Variants in MOK observed in about 807,000 individuals in gnomAD.
MOK encodes MOK protein kinase.
A neutral mutation model predicts 54.2 loss-of-function variants in MOK; 59 were observed. That is an observed-to-expected ratio of 1.09 (90% CI 0.88 to 1.35). The LOEUF (loss-of-function observed/expected upper bound fraction) is 1.35. Ranked by LOEUF, MOK falls within the 40% of genes most tolerant of loss-of-function variation. The pLI, the probability that MOK is intolerant of heterozygous loss-of-function variation, is 0.00. For synonymous variants in MOK, 210 were observed against 202.7 expected (o/e 1.04, Z -0.31); for missense variants, 517 against 526.2 (o/e 0.98, Z 0.17).
At chr14:102,214,728 C>T in the MOK span, 1 of 980,054 alleles carries the variant, frequency 1.0e-6, no homozygotes, top group Non-Finnish European at 1.2e-6. Flanking sequence ...CATCCAATTT[C>T]TTGACAACTT....
At chr14:102,289,754 G>A (rs1166403088) in intron 1 of MOK, among the ~76,000 whole-genome samples, 2 of 144,912 alleles carry the variant, frequency 1.4e-5, no homozygotes, top group Non-Finnish European at 3.1e-5. Flanking sequence ...CTTCCCACCC[G>A]CCTCACCCTC....
intron 3 of MOK, among the ~76,000 whole-genome samples, chr14:102,265,045 T>C (rs951468035): frequency 1.3e-5 from 2 of 152,244 alleles, no homozygotes; most frequent in Non-Finnish European, 2.9e-5. Context: ...TTTTGAATGA[T>C]AGATAAGCCT....
Position 102,232,983 on chromosome 14 carries a change from C to CA in MOK, c.693-276dup, listed in dbSNP as rs2064874183. 3.6e-6 allele frequency: 1 copy of CA among 280,976 alleles called. No individual in the cohort carries two copies. The highest frequency in any genetic ancestry group is 2.2e-5 in the African/African-American group (1 of 45,752). 17.4% of individuals were successfully genotyped at this position (280,976 alleles called of 1,614,324 possible). ...AGGGGAGGCTGTGTGCACATGGGGACAGGGCTCTATGGAAACCTAAAACTG... is the reference window on the plus strand; with the variant it reads ...AGGGGAGGCTGTGTGCACATGGGGACAAGGGCTCTATGGAAACCTAAAACTG... On this transcript the variant is annotated intron_variant, in intron 8 of 11. Transcript: ENST00000361847. The surrounding 1 kb of genome is among the most constrained non-coding windows in gnomAD (Gnocchi z 5.1).
chr14:102,223,037 G>A (rs2064098414), downstream of MOK: 9 of 799,408 alleles, frequency 1.1e-5, no homozygotes, highest in Admixed American at 1.5e-4. Context: ...TCACTCTGCG[G>A]CGCCGTGCTC....
chr14:102,297,583 G>A (rs546746953), intron 1 of MOK, among the ~76,000 whole-genome samples: 62 of 152,338 alleles, frequency 4.1e-4, no homozygotes, highest in East Asian at 9.7e-4. Flanking sequence ...CCTTCAGCTC[G>A]CCGCTGCACT....
intron 2 of MOK, among the ~76,000 whole-genome samples, chr14:102,269,860 G>C (rs1252971729): frequency 6.6e-6 from 1 of 152,106 alleles, no homozygotes; most frequent in Non-Finnish European, 1.5e-5. Flanking sequence ...TCCCATAATT[G>C]ATTGAACAAT....
rs1477902004 is a variant in MOK at position 102,283,473 on chromosome 14, C to A, written c.122+5G>T. 5.0e-6 allele frequency: 8 copies of A among 1,601,402 alleles called. 1 individual carries two copies. The Middle Eastern group carries it at 1.3e-3, about 266-fold the overall frequency. On this transcript the variant is annotated splice_donor_5th_base_variant and intron_variant, in intron 2 of 11. Coordinates refer to ENST00000361847, the MANE Select transcript of MOK (RefSeq NM_014226.3). ...TTTGGTCCCAAGTGCATCTCTGTAG[C>A]CTACCTTTCAAAGCGCTGCTTCATT...
At chr14:102,234,469 C>T (rs957587307) in intron 7 of MOK, among the ~76,000 whole-genome samples, 1 of 152,164 alleles carries the variant, frequency 6.6e-6, no homozygotes, top group African/African-American at 2.4e-5. Flanking sequence ...GGGCCAAGGG[C>T]TTCCTCCAGC....
chr14:102,271,399 C>T (rs542976873), intron 2 of MOK, among the ~76,000 whole-genome samples: 2 of 152,092 alleles, frequency 1.3e-5, no homozygotes, highest in South Asian at 4.2e-4. Context: ...GAGGGACCTT[C>T]CCCACAAGGA....
intron 4 of MOK, among the ~76,000 whole-genome samples, chr14:102,257,224 A>G (rs1451212823): frequency 1.3e-5 from 2 of 151,954 alleles, no homozygotes; most frequent in African/African-American, 4.8e-5. Flanking sequence ...TGGCCCAGGT[A>G]TGGGGGCAGA....
chr14:102,283,197 C>A (rs932094423), intron 2 of MOK: 1 of 257,898 alleles, frequency 3.9e-6, no homozygotes. Context: ...AAATCCAACA[C>A]ATTTATAACT....
intron 2 of MOK, among the ~76,000 whole-genome samples, chr14:102,277,041 A>T (rs1260371671): frequency 6.8e-6 from 1 of 146,738 alleles, no homozygotes; most frequent in Non-Finnish European, 1.5e-5. Context: ...TTGTAGAGGA[A>T]AAAAAAAGAT....
rs190577626 is a variant in MOK, at chr14:102,282,808, T to C, written c.122+670A>G. ...GGCTCACACCTGTAATCCCAGCACT[T>C]TGGAAGGCCAAGGCGGGCGGATCAC... On this transcript the variant is annotated intron_variant, in intron 2 of 11. Coordinates refer to ENST00000361847, the MANE Select transcript of MOK (RefSeq NM_014226.3). Among the ~76,000 whole-genome samples the C allele has an allele frequency of 6.2e-3, 943 of 151,964 alleles. 10 individuals carry two copies. The highest frequency in any genetic ancestry group is 8.0e-3 in the Non-Finnish European group (541 of 67,958).
At position 102,283,509 on chromosome 14, in the gene MOK, C is replaced by T. The variant is rs1272283587; in HGVS notation, c.91G>A (p.Ala31Thr). 1.2e-6 allele frequency: 2 copies of T among 1,613,370 alleles called. No individual in the cohort carries two copies. The highest frequency in any genetic ancestry group is 8.5e-7 in the Non-Finnish European group (1 of 1,179,726). ...MQSLRDGNYY[A>T]CKQMKQRFES... The stretch of plus-strand genomic sequence containing the variant: ...AAGCGCTGCTTCATTTGTTTACATG[C>T]ATAGTAGTTTCCATCTCTCAGGCTT... Residue 31 changes from alanine (A) to threonine (T), a missense_variant, in exon 2 of 12, where the codon GCA becomes ACA. Transcript: ENST00000361847.
intron 2 of MOK, among the ~76,000 whole-genome samples, chr14:102,273,953 T>G (rs1220740754): frequency 2.0e-5 from 3 of 152,048 alleles, no homozygotes; most frequent in South Asian, 2.1e-4. Flanking sequence ...CAATAGTTTT[T>G]TTTTGTTTTG....
intron 7 of MOK, among the ~76,000 whole-genome samples, chr14:102,250,354 G>C (rs1037288198): frequency 3.3e-5 from 5 of 150,990 alleles, no homozygotes; most frequent in Non-Finnish European, 7.4e-5. Context: ...CCAAAGGCTG[G>C]GGGGGAGTGG....
In MOK at chr14:102,229,270, AGAC is replaced by A. The variant is rs1567122911; in HGVS notation, c.*16_*18del. On this transcript the variant is annotated 3_prime_UTR_variant, in exon 12 of 12. Transcript: ENST00000361847. The stretch of plus-strand genomic sequence containing the variant: ...GGGCTTGGTGTTGCCTCCGAAGTCG[AGAC>A]GACGGTGCTGCTCAGTTATCTTCCG... 6.4e-7 allele frequency: 1 copy of A among 1,571,002 alleles called. No homozygotes were observed. Among genetic ancestry groups the A allele is most frequent in the Admixed American group, 1.8e-5 (1 of 56,886 alleles).
intron 7 of MOK, among the ~76,000 whole-genome samples, chr14:102,242,416 T>C (rs1283343935): frequency 1.3e-5 from 2 of 152,114 alleles, no homozygotes; most frequent in Non-Finnish European, 2.9e-5. Flanking sequence ...TGACTATTCC[T>C]AGACTATAGC....
At chr14:102,293,081 G>A (rs1017925702) in intron 1 of MOK, among the ~76,000 whole-genome samples, 9 of 151,922 alleles carry the variant, frequency 5.9e-5, no homozygotes, top group African/African-American at 9.7e-5. Flanking sequence ...TGCAGTGAGC[G>A]GAGATTGTGC....
Sources: gnomAD v4.1 joint callset for allele counts (sites outside exome capture counted in the v4.1 genomes callset) on GRCh38, gnomAD v4.1.1 for gene constraint, Gnocchi (gnomAD v3.1) non-coding constraint, MANE v1.5 for transcripts, NCBI Gene and HGNC (gene_info 2026-07-23, HGNC 2026-07-21) for gene names.